CMIP: variants seen among roughly 807,000 people sequenced by gnomAD.
The protein encoded by CMIP is C-Maf-inducing protein.
Under a neutral mutation model 97.3 loss-of-function variants are expected in CMIP, and 13 were observed. The ratio of observed to expected loss-of-function variants is 0.13; its 90% CI spans 0.09 to 0.21. CMIP has a LOEUF of 0.21. Among genes scored for constraint, CMIP ranks in the 10% least tolerant of loss-of-function variants. The pLI is 1.00. For missense variants in CMIP, 847 were observed against 1,024.9 expected, an observed-to-expected ratio of 0.83 and a Z score of 2.37; for synonymous variants, 538 against 436.3, an observed-to-expected ratio of 1.23 and a Z score of -2.91.
chr16:81,634,018 G>C (rs1267956016), intron 3 of CMIP, among the ~76,000 whole-genome samples: 1 of 152,238 alleles, frequency 6.6e-6, no homozygotes, highest in Non-Finnish European at 1.5e-5. Flanking sequence ...TTTTGAACCG[G>C]TAGCTCAGTG....
chr16:81,613,024 T>C (rs1198815905), intron 2 of CMIP, among the ~76,000 whole-genome samples: 2 of 152,224 alleles, frequency 1.3e-5, no homozygotes, highest in African/African-American at 4.8e-5. Flanking sequence ...TTCCCTTTGC[T>C]TGGAAGCCCC....
At chr16:81,638,109 C>G (rs1448479281) in intron 3 of CMIP, among the ~76,000 whole-genome samples, 1 of 152,156 alleles carries the variant, frequency 6.6e-6, no homozygotes, top group Non-Finnish European at 1.5e-5. Flanking sequence ...GCTTGTGGCC[C>G]CCTCACTCCG....
chr16:81,543,346 C>T (rs912420276), intron 1 of CMIP, among the ~76,000 whole-genome samples: 1 of 152,158 alleles, frequency 6.6e-6, no homozygotes, highest in Non-Finnish European at 1.5e-5. Flanking sequence ...TTGTTGGTCC[C>T]GTGAGAACAT....
At chr16:81,590,934 T>C (rs2091458158) in intron 1 of CMIP, among the ~76,000 whole-genome samples, 1 of 152,214 alleles carries the variant, frequency 6.6e-6, no homozygotes, top group South Asian at 2.1e-4. Context: ...TCTTTGTAAA[T>C]AAAGTTTTAT....
intron 1 of CMIP, among the ~76,000 whole-genome samples, chr16:81,594,545 C>T (rs892233491): frequency 1.3e-5 from 2 of 152,134 alleles, no homozygotes; most frequent in African/African-American, 4.8e-5. Flanking sequence ...CCTGAGACCT[C>T]GAATAGTACT....
chr16:81,653,682 G>A (rs1291204934), intron 4 of CMIP, among the ~76,000 whole-genome samples: 3 of 152,188 alleles, frequency 2.0e-5, no homozygotes, highest in East Asian at 1.9e-4. Flanking sequence ...GTGGCGTGAC[G>A]GCTCACTGCA....
chr16:81,515,482 G>A (rs189501856), intron 1 of CMIP, among the ~76,000 whole-genome samples: 5 of 152,300 alleles, frequency 3.3e-5, no homozygotes, highest in Non-Finnish European at 2.9e-5. Flanking sequence ...TTCAGAGAAC[G>A]CACTATTGAT....
At chr16:81,586,172 A>G (rs550530040) in intron 1 of CMIP, among the ~76,000 whole-genome samples, 3 of 152,046 alleles carry the variant, frequency 2.0e-5, no homozygotes, top group East Asian at 3.9e-4. Context: ...CCCGCCCCAC[A>G]CCTACCTTCT....
At chr16:81,541,977 C>T (rs1442022312) in intron 1 of CMIP, among the ~76,000 whole-genome samples, 4 of 152,224 alleles carry the variant, frequency 2.6e-5, no homozygotes, top group African/African-American at 9.6e-5. Context: ...GTTCACCACT[C>T]AGTCACTGGT....
chr16:81,457,357 C>T (rs996432552), intron 1 of CMIP, among the ~76,000 whole-genome samples: 20 of 152,056 alleles, frequency 1.3e-4, no homozygotes, highest in African/African-American at 1.4e-4. Context: ...ACAGGGCTGA[C>T]GACAATCTTA....
intron 3 of CMIP, chr16:81,645,532 C>T: frequency 1.3e-6 from 2 of 1,536,072 alleles, no homozygotes; most frequent in Non-Finnish European, 1.7e-6. Flanking sequence ...TTTCCCTGGC[C>T]TGAGAACCCT....
intron 6 of CMIP, among the ~76,000 whole-genome samples, chr16:81,663,930 T>C (rs1011503687): frequency 6.6e-6 from 1 of 152,306 alleles, no homozygotes; most frequent in South Asian, 2.1e-4. Context: ...GTGCCCCACA[T>C]GCCTGCTGGC....
At chr16:81,522,006 A>G (rs916907156) in intron 1 of CMIP, among the ~76,000 whole-genome samples, 1 of 152,212 alleles carries the variant, frequency 6.6e-6, no homozygotes, top group African/African-American at 2.4e-5. Flanking sequence ...GCAGGATTTC[A>G]GAGGTGCTGT....
intron 1 of CMIP, chr16:81,476,063 C>G: frequency 1.4e-6 from 1 of 728,502 alleles, no homozygotes; most frequent in Non-Finnish European, 2.5e-6. Context: ...GATCTTCTTG[C>G]TGGTCTTGCC....
intron 3 of CMIP, chr16:81,622,158 G>A (rs1045227756): frequency 2.8e-4 from 42 of 152,168 alleles, no homozygotes; most frequent in African/African-American, 9.9e-4. Context: ...TTTTCCATAC[G>A]GGAAAGATGA....
chr16:81,480,088 A>G (rs886260304), intron 1 of CMIP, among the ~76,000 whole-genome samples: 3 of 152,192 alleles, frequency 2.0e-5, no homozygotes, highest in Non-Finnish European at 4.4e-5. Context: ...GGTCTGGGCC[A>G]TAGCCTTTTC....
At chr16:81,499,942 A>C (rs1392433488) in intron 1 of CMIP, among the ~76,000 whole-genome samples, 1 of 152,184 alleles carries the variant, frequency 6.6e-6, no homozygotes, top group Non-Finnish European at 1.5e-5. Context: ...GGGGCGCCCC[A>C]CGCACTCTGG....
intron 2 of CMIP, 35 bp from the exon 3 acceptor site, chr16:81,620,841 G>A (rs760889535): frequency 4.3e-6 from 7 of 1,613,476 alleles, no homozygotes; most frequent in Non-Finnish European, 5.9e-6. Flanking sequence ...GCAAGCTGAT[G>A]ACCGGACCTT....
intron 6 of CMIP, 45 bp downstream of exon 6, chr16:81,660,991 C>A: frequency 6.2e-7 from 1 of 1,611,426 alleles, no homozygotes; most frequent in Non-Finnish European, 8.5e-7. Context: ...GAAGTAACCT[C>A]CCTCTGTGCG....
Sources: allele counts gnomAD v4.1 joint callset (sites outside exome capture counted in the v4.1 genomes callset), GRCh38; gene constraint gnomAD v4.1.1; transcripts MANE v1.5; gene names NCBI Gene and HGNC (gene_info 2026-07-23, HGNC 2026-07-21).